VWA7: variants seen among roughly 807,000 people sequenced by gnomAD.
VWA7 encodes the protein von Willebrand factor A domain-containing protein 7.
Under a neutral mutation model 83.1 loss-of-function variants are expected in VWA7, and 66 were observed. The ratio of observed to expected loss-of-function variants is 0.79; its 90% CI spans 0.65 to 0.98. The LOEUF is 0.98. Ranked by LOEUF, VWA7 falls within the 50% of genes least tolerant of loss-of-function variation. VWA7 has a pLI of 0.00. For synonymous variants in VWA7, 424 were observed against 488.5 expected, an observed-to-expected ratio of 0.87 and a Z score of 1.74; for missense variants, 1,080 against 1,160.2, an observed-to-expected ratio of 0.93 and a Z score of 1.00.
In VWA7 at chr6:31,765,968, G is replaced by A. The variant is rs903623661; in HGVS notation, c.2414C>T (p.Thr805Ile). The A allele has an allele frequency of 1.9e-6, 3 of 1,612,970 alleles. No individual in the cohort carries two copies. In the African/African-American group the frequency reaches 4.0e-5, roughly 22 times the overall value. The change falls in exon 16 of 17, where the codon ACT (threonine) becomes ATT (isoleucine). Residue 805 changes from threonine to isoleucine, a missense_variant. Coordinates refer to ENST00000375688, the MANE Select transcript of VWA7 (RefSeq NM_025258.3). ...GGCTTCTCGTCCCCCTGCAGTCACAGTCACCATCACCACGGAATCCGGGGC... is the reference window on the plus strand; with the variant it reads ...GGCTTCTCGTCCCCCTGCAGTCACAATCACCATCACCACGGAATCCGGGGC... Reference protein sequence around the residue: ...SAAPDSVVMVTVTAGGREANP... With the variant: ...SAAPDSVVMVIVTAGGREANP...
chr6:31,769,739 G>T lies in VWA7; in HGVS notation c.1253C>A (p.Ala418Asp), dbSNP rs1169650105. The change falls in exon 9 of 17, where the codon GCC becomes GAC. Residue 418 changes from alanine (A) to aspartate (D), a missense_variant. By Grantham distance (126) the Ala-to-Asp change is moderately radical. Coordinates refer to ENST00000375688, the MANE Select transcript of VWA7 (RefSeq NM_025258.3). The surrounding 1 kb of genome is among the most constrained non-coding windows in gnomAD (Gnocchi z 4.5). ...PLSDIFVFTD[A>D]SPKDAFLTNQ... ...GGTGAGAAAGGCATCCTTGGGGGAGGCATCCGTGAAGACAAAGATATCTGA... is the reference window on the plus strand; with the variant it reads ...GGTGAGAAAGGCATCCTTGGGGGAGTCATCCGTGAAGACAAAGATATCTGA... 6.2e-7 allele frequency: 1 copy of T among 1,613,100 alleles called. No individual in the cohort carries two copies.
intron 7 of VWA7, 127 bp downstream of exon 7, chr6:31,772,827 G>A (rs1015919922): frequency 1.7e-5 from 20 of 1,168,396 alleles, no homozygotes; most frequent in Middle Eastern, 2.1e-4. Context: ...TCAAACTCCC[G>A]ACCTCAGGTG....
Position 31,769,830 on chromosome 6 carries a change from T to C in VWA7, c.1201-39A>G, listed in dbSNP as rs769146947. ...CAACGACCAGTGTTAACAATGGCAGTAGGAGGGGAATGGGTAGAGCCACGG... is the reference window on the plus strand; with the variant it reads ...CAACGACCAGTGTTAACAATGGCAGCAGGAGGGGAATGGGTAGAGCCACGG... On this transcript the variant is annotated intron_variant, in intron 8 of 16. Coordinates refer to ENST00000375688, the MANE Select transcript of VWA7 (RefSeq NM_025258.3). The surrounding 1 kb of genome is among the most constrained non-coding windows in gnomAD (Gnocchi z 4.5). 1.3e-6 allele frequency: 2 copies of C among 1,586,612 alleles called. No individual in the cohort carries two copies. The highest frequency in any genetic ancestry group is 2.7e-5 in the African/African-American group (2 of 74,192).
At chr6:31,774,290 A>G (rs707929) in intron 5 of VWA7, among the ~76,000 whole-genome samples, 69,418 of 151,750 alleles carry the variant, frequency 0.46, 17,776 homozygotes, top group African/African-American at 0.7. Context: ...GTCCCCCAAA[A>G]CTGCCTATGA....
chr6:31,767,164 C>A lies in VWA7; in HGVS notation c.1876G>T (p.Val626Phe), dbSNP rs751556994. Residue 626 changes from valine to phenylalanine, a missense_variant, in exon 13 of 17, where the codon GTT (valine) becomes TTT (phenylalanine). Transcript: ENST00000375688. Reference sequence around the variant, plus strand: ...GCTCAGGGAATAAATGTACCTGCAACTGGCTGAGTCAGGGGGTAGAGGCCA... The same window carrying A: ...GCTCAGGGAATAAATGTACCTGCAAATGGCTGAGTCAGGGGGTAGAGGCCA... The part of the protein sequence containing the change: ...HPGLYPLTQP[V>F]AGLQTQLLVE... The A allele has an allele frequency of 1.3e-6, 2 of 1,503,864 alleles. No individual in the cohort carries two copies. Among genetic ancestry groups the A allele is most frequent in the Non-Finnish European group, 1.8e-6 (2 of 1,134,682 alleles). The allele number at this position is 1,503,864 out of a possible 1,614,324, so 93.2% of individuals were successfully genotyped here.
intron 7 of VWA7, among the ~76,000 whole-genome samples, chr6:31,770,631 A>G (rs9461721): frequency 0.038 from 5,695 of 148,818 alleles, 170 homozygotes; most frequent in East Asian, 0.13. Flanking sequence ...GGGGCAGGGC[A>G]GGGCAGACCT....
chr6:31,770,095 G>T lies in VWA7; in HGVS notation c.1106C>A (p.Thr369Lys), dbSNP rs1456764766. 2.5e-6 allele frequency: 4 copies of T among 1,612,970 alleles called. No individual in the cohort carries two copies. Among genetic ancestry groups the T allele is most frequent in the Non-Finnish European group, 3.4e-6 (4 of 1,180,002 alleles). Residue 369 changes from threonine to lysine, a missense_variant, in exon 8 of 17, where the codon ACA becomes AAA. Physicochemically the swap from Thr to Lys is moderately conservative, Grantham distance 78. Transcript: ENST00000375688. The part of the protein sequence containing the change: ...FHDPGFGPVF[T>K]TSDPDSFWQQ... ...CCAGAAGCTGTCAGGGTCACTGGTTGTAAAGACAGGGCCGAACCCTGGGAA... is the reference window on the plus strand; with the variant it reads ...CCAGAAGCTGTCAGGGTCACTGGTTTTAAAGACAGGGCCGAACCCTGGGAA...
Position 31,769,101 on chromosome 6 carries a change from C to T in VWA7, c.1420G>A (p.Ala474Thr), listed in dbSNP as rs1369334146. The T allele has an allele frequency of 6.2e-7, 1 of 1,613,114 alleles. No individual in the cohort carries two copies. The highest frequency in any genetic ancestry group is 8.5e-7 in the Non-Finnish European group (1 of 1,180,044). Reference protein sequence around the residue: ...RFEPYKAVALASGGEVIFTKD... With the variant: ...RFEPYKAVALTSGGEVIFTKD... The stretch of plus-strand genomic sequence containing the variant: ...GTGAAGATCACCTCTCCTCCTGAGG[C>T]CAGGGCCACTGCTTTGTATGGCTCA... The change falls in exon 10 of 17, where the codon GCC (alanine) becomes ACC (threonine). Residue 474 changes from alanine (A) to threonine (T), a missense_variant. By Grantham distance (58) the Ala-to-Thr change is moderately conservative. Coordinates refer to ENST00000375688, the MANE Select transcript of VWA7 (RefSeq NM_025258.3). This position sits in a 1 kb window ranked among gnomAD's most constrained non-coding sequence, Gnocchi z 4.5.
chr6:31,776,676 C>A lies in VWA7; in HGVS notation c.104G>T (p.Ser35Ile). 1 of 1,533,946 alleles carries A rather than the reference C, an allele frequency of 6.5e-7. No individual in the cohort carries two copies. Among genetic ancestry groups the A allele is most frequent in the South Asian group, 1.2e-5 (1 of 82,640 alleles). Residue 35 changes from serine (S) to isoleucine (I), a missense_variant, in exon 2 of 17, where the codon AGC becomes ATC. Coordinates refer to ENST00000375688, the MANE Select transcript of VWA7 (RefSeq NM_025258.3). The surrounding 1 kb of genome is among the most constrained non-coding windows in gnomAD (Gnocchi z 6.2). ...PTSAFFPNIWSLLAAPGSITH... is the reference protein window; with the variant it reads ...PTSAFFPNIWILLAAPGSITH... ...GATGGAGCCAGGGGCAGCCAGCAGG[C>A]TCCAGATGTTGGGGAAGAAGGCAGA...
chr6:31,768,430 A>G (rs1811846214), intron 10 of VWA7, among the ~76,000 whole-genome samples: 1 of 152,034 alleles, frequency 6.6e-6, no homozygotes, highest in African/African-American at 2.4e-5. Flanking sequence ...TCAATATAGC[A>G]AGACTCTGTC....
At chr6:31,772,763 C>A (rs1038465979) in intron 7 of VWA7, among the ~76,000 whole-genome samples, 191 bp downstream of exon 7, 1 of 151,560 alleles carries the variant, frequency 6.6e-6, no homozygotes, top group Non-Finnish European at 1.5e-5. Flanking sequence ...CCACGCCCGG[C>A]TAATTTTGTA....
Position 31,765,760 on chromosome 6 carries a change from G to T in VWA7, c.2510C>A (p.Thr837Asn). 6.3e-7 allele frequency: 1 copy of T among 1,587,338 alleles called. No individual in the cohort carries two copies. The highest frequency in any genetic ancestry group is 8.6e-7 in the Non-Finnish European group (1 of 1,165,932). ...CGGGTCAGATGAGCCGGTAGGGGTG[G>T]TGTGCCGGTCCTGTGGGGAAAAGGA... ...VSAPAPQDRH[T>N]TPTGSSDPIL... The change falls in exon 17 of 17, where the codon ACC (threonine) becomes AAC (asparagine). Residue 837 changes from threonine to asparagine, a missense_variant. Transcript: ENST00000375688.
intron 5 of VWA7, among the ~76,000 whole-genome samples, chr6:31,774,059 C>G (rs1447084813): frequency 7.2e-6 from 1 of 138,070 alleles, no homozygotes; most frequent in Non-Finnish European, 1.5e-5. Flanking sequence ...GAGGCTGAGG[C>G]AGGAGAATCG....
chr6:31,775,452 G>A lies in VWA7; in HGVS notation c.514-23C>T, dbSNP rs1301158467. The A allele has an allele frequency of 2.5e-6, 4 of 1,603,348 alleles. No homozygotes were observed. In the African/African-American group the frequency reaches 5.4e-5, roughly 21 times the overall value. On this transcript the variant is annotated intron_variant, in intron 3 of 16. Transcript: ENST00000375688. The surrounding 1 kb of genome is among the most constrained non-coding windows in gnomAD (Gnocchi z 5.9). The stretch of plus-strand genomic sequence containing the variant: ...ATCCTGGTCCGGAGGACAGGAGAAG[G>A]GGAGTGAGGCACTAGTCTGGCCTTT...
rs1811579972 is a variant in VWA7, at chr6:31,766,405, G to C, written c.2185-21C>G. 2 of 1,585,456 alleles carry C rather than the reference G, an allele frequency of 1.3e-6. No homozygotes were observed. Among genetic ancestry groups the C allele is most frequent in the Non-Finnish European group, 1.7e-6 (2 of 1,166,524 alleles). On this transcript the variant is annotated intron_variant, in intron 14 of 16. Transcript: ENST00000375688. This position sits in a 1 kb window ranked among gnomAD's most constrained non-coding sequence, Gnocchi z 4.9. ...CTAAGCTGCAGAGAAGGGTTCTTCA[G>C]GGAAGGGGCCGCTCTAACTCTCTCC...
Position 31,766,848 on chromosome 6 carries a change from T to C in VWA7, c.1883-84A>G. On this transcript the variant is annotated intron_variant, in intron 13 of 16. Transcript: ENST00000375688. This position sits in a 1 kb window ranked among gnomAD's most constrained non-coding sequence, Gnocchi z 4.9. Reference sequence around the variant, plus strand: ...AATTAATGGCCTTCAAAATAGGGGTTCCCTCTGGGGAGTATGGATGGGAAA... The same window carrying C: ...AATTAATGGCCTTCAAAATAGGGGTCCCCTCTGGGGAGTATGGATGGGAAA... The C allele has an allele frequency of 6.8e-7, 1 of 1,465,396 alleles. No homozygotes were observed. Among genetic ancestry groups the C allele is most frequent in the Non-Finnish European group, 9.2e-7 (1 of 1,087,356 alleles). The allele number at this position is 1,465,396 out of a possible 1,614,324, so 90.8% of individuals were successfully genotyped here.
chr6:31,772,919 C>G, intron 7 of VWA7, 35 bp downstream of exon 7: 1 of 1,587,496 alleles, frequency 6.3e-7, no homozygotes, highest in Non-Finnish European at 8.6e-7. Context: ...CTTGAATTTT[C>G]CTCCCCTCTA....
rs764679566 is a variant in VWA7 at position 31,772,987 on chromosome 6, C to T, written c.1054G>A (p.Val352Ile). 1.4e-5 allele frequency: 22 copies of T among 1,602,894 alleles called. No homozygotes were observed. The highest frequency in any genetic ancestry group is 1.8e-5 in the Non-Finnish European group (21 of 1,176,270). The part of the protein sequence containing the change: ...EQRRGSPMEP[V>I]HYVLVPFHDP... The stretch of plus-strand genomic sequence containing the variant: ...TGAAAAGGCACCAGGACATAGTGGA[C>T]AGGCTCCATGGGGCTGCCTCTCCGC... Residue 352 changes from valine (V) to isoleucine (I), a missense_variant, in exon 7 of 17, where the codon GTC (valine) becomes ATC (isoleucine). Val to Ile is a conservative substitution (Grantham distance 29). Transcript: ENST00000375688.
In VWA7 at chr6:31,766,752, T is replaced by C; in HGVS notation, c.1895A>G (p.Gln632Arg). Reference protein sequence around the residue: ...LTQPVAGLQTQLLVEVTGLGS... With the variant: ...LTQPVAGLQTRLLVEVTGLGS... ...CAACCCTGTCACTTCTACCAGCAGC[T>C]GGGTCTGAAGACCTGGGACAGGGGC... is the stretch of plus-strand genomic sequence containing the variant. Residue 632 changes from glutamine to arginine, a missense_variant, in exon 14 of 17, where the codon CAG (glutamine) becomes CGG (arginine). By Grantham distance (43) the Gln-to-Arg change is conservative (BLOSUM62 1). Coordinates refer to ENST00000375688, the MANE Select transcript of VWA7 (RefSeq NM_025258.3). The surrounding 1 kb of genome is among the most constrained non-coding windows in gnomAD (Gnocchi z 4.9). 6.2e-7 allele frequency: 1 copy of C among 1,603,262 alleles called. No individual in the cohort carries two copies. The highest frequency in any genetic ancestry group is 8.5e-7 in the Non-Finnish European group (1 of 1,172,358).
Sources: gnomAD v4.1 joint callset for allele counts (sites outside exome capture counted in the v4.1 genomes callset) on GRCh38, gnomAD v4.1.1 for gene constraint, Gnocchi (gnomAD v3.1) non-coding constraint, MANE v1.5 for transcripts, NCBI Gene and HGNC (gene_info 2026-07-23, HGNC 2026-07-21) for gene names.